The following ARMH3 variants were observed in gnomAD, a reference collection of about 807,000 sequenced individuals.
ARMH3 encodes armadillo like helical domain containing 3.
ARMH3 carries 60 observed loss-of-function variants against 99.1 expected under a neutral mutation model. That is an observed-to-expected ratio of 0.61 (90% confidence interval 0.49 to 0.75). The LOEUF is 0.75. Among genes scored for constraint, ARMH3 ranks in the 30% least tolerant of loss-of-function variants. The probability of loss-of-function intolerance (pLI) is 0.00; values close to 1 mark genes in which losing one functional copy is unlikely to be tolerated. For missense variants in ARMH3, 679 were observed against 843.1 expected (o/e 0.81, Z 2.41); for synonymous variants, 285 against 292.8 (o/e 0.97, Z 0.27).
intron 24 of ARMH3, among the ~76,000 whole-genome samples, chr10:101,862,764 G>T (rs931199123): frequency 2.0e-5 from 3 of 151,924 alleles, no homozygotes; most frequent in Non-Finnish European, 4.4e-5. Flanking sequence ...AGAACAATGA[G>T]TGGATGGGAA....
intron 23 of ARMH3, among the ~76,000 whole-genome samples, chr10:101,934,795 T>C (rs532073812): frequency 6.6e-6 from 1 of 152,184 alleles, no homozygotes; most frequent in Non-Finnish European, 1.5e-5. Flanking sequence ...TAGTTTACTA[T>C]CTTTCTCTCT....
intron 24 of ARMH3, among the ~76,000 whole-genome samples, chr10:101,881,456 A>C (rs2067416258): frequency 6.6e-6 from 1 of 152,174 alleles, no homozygotes. Context: ...AAGATGAAAA[A>C]GTTCTAGAGA....
intron 8 of ARMH3, among the ~76,000 whole-genome samples, chr10:102,015,413 G>A (rs1484146226): frequency 6.8e-5 from 10 of 147,806 alleles, no homozygotes; most frequent in South Asian, 2.1e-4. Flanking sequence ...TTTTTGAGAC[G>A]GAATTTTGCT....
intron 19 of ARMH3, among the ~76,000 whole-genome samples, chr10:101,978,968 AAAATAAAAAT>A (rs1209427653): frequency 6.6e-6 from 1 of 151,616 alleles, no homozygotes; most frequent in Middle Eastern, 3.4e-3. Flanking sequence ...AAATTAATAT[AAAATAAAAAT>A]AAATAAAAAT....
At chr10:102,013,688 A>G (rs1318410593) in intron 9 of ARMH3, among the ~76,000 whole-genome samples, 3 of 152,234 alleles carry the variant, frequency 2.0e-5, no homozygotes, top group Admixed American at 6.5e-5. Flanking sequence ...ATTTATTGAC[A>G]TCGTAGGATA....
chr10:102,005,358 A>C (rs1001841488), intron 14 of ARMH3, among the ~76,000 whole-genome samples: 1 of 149,332 alleles, frequency 6.7e-6, no homozygotes, highest in African/African-American at 2.5e-5. Flanking sequence ...ACTCTAGCCT[A>C]AATGACAGCA....
intron 24 of ARMH3, among the ~76,000 whole-genome samples, chr10:101,888,064 T>A (rs947042274): frequency 1.3e-5 from 2 of 151,388 alleles, no homozygotes; most frequent in Non-Finnish European, 2.9e-5. Flanking sequence ...GTCTCCTTTT[T>A]TTTTTTTTTA....
At chr10:102,051,156 T>TC (rs2067694014) in intron 1 of ARMH3, among the ~76,000 whole-genome samples, 3 of 118,352 alleles carry the variant, frequency 2.5e-5, no homozygotes, top group African/African-American at 9.9e-5. Flanking sequence ...AGACTCTGTC[T>TC]CAAAAAAAAA....
intron 23 of ARMH3, among the ~76,000 whole-genome samples, chr10:101,899,037 G>C (rs199756822): frequency 1.3e-3 from 199 of 152,296 alleles, no homozygotes; most frequent in South Asian, 3.3e-3. Context: ...AAACAGCAAG[G>C]CTTTAGAGAA....
intron 23 of ARMH3, among the ~76,000 whole-genome samples, chr10:101,893,128 T>G (rs1016442807): frequency 1.3e-5 from 2 of 152,066 alleles, no homozygotes; most frequent in African/African-American, 2.4e-5. Context: ...TGAAGCAAGT[T>G]TAGAGAACTG....
At chr10:101,864,696 G>C (rs1050617194) in intron 24 of ARMH3, among the ~76,000 whole-genome samples, 1 of 152,124 alleles carries the variant, frequency 6.6e-6, no homozygotes, top group Admixed American at 6.6e-5. Flanking sequence ...TGAACAATGA[G>C]AACACTTGGA....
intron 23 of ARMH3, among the ~76,000 whole-genome samples, chr10:101,919,243 T>G (rs1265312834): frequency 6.6e-6 from 1 of 152,082 alleles, no homozygotes; most frequent in Non-Finnish European, 1.5e-5. Flanking sequence ...TCCCTTCCTT[T>G]CTTTTTGTCT....
intron 1 of ARMH3, among the ~76,000 whole-genome samples, chr10:102,050,599 G>A (rs994215077): frequency 2.0e-5 from 3 of 151,938 alleles, no homozygotes; most frequent in East Asian, 1.9e-4. Context: ...GGCTCAAGTC[G>A]GTAATCCCAA....
intron 4 of ARMH3, among the ~76,000 whole-genome samples, chr10:102,031,990 G>A (rs1425075600): frequency 3.9e-5 from 6 of 152,016 alleles, no homozygotes; most frequent in Admixed American, 1.3e-4. Flanking sequence ...CTCCCGCCTT[G>A]GCCTCCCAAA....
At chr10:101,929,476 C>T (rs1489632324) in intron 23 of ARMH3, among the ~76,000 whole-genome samples, 1 of 152,136 alleles carries the variant, frequency 6.6e-6, no homozygotes, top group African/African-American at 2.4e-5. Flanking sequence ...AATTAGAGTC[C>T]TGTTTCTAGT....
intron 17 of ARMH3, among the ~76,000 whole-genome samples, chr10:101,992,390 A>AAAG (rs1846839059): frequency 6.6e-6 from 1 of 152,194 alleles, no homozygotes; most frequent in Non-Finnish European, 1.5e-5. Flanking sequence ...CTTTGACGAT[A>AAAG]AATAATAATA....
At chr10:101,990,990 T>C (rs1447647324) in intron 18 of ARMH3, among the ~76,000 whole-genome samples, 2 of 152,232 alleles carry the variant, frequency 1.3e-5, no homozygotes. Flanking sequence ...ATGGATCACA[T>C]TTGTGTAACC....
At chr10:101,890,282 T>A (rs2067657366) in intron 23 of ARMH3, among the ~76,000 whole-genome samples, 6 of 151,916 alleles carry the variant, frequency 3.9e-5, no homozygotes, top group Admixed American at 3.9e-4. Flanking sequence ...GTCACTCTGT[T>A]ACCAAGTCTG....
chr10:101,867,000 CATTT>C (rs1418707535), intron 24 of ARMH3, among the ~76,000 whole-genome samples: 3 of 152,092 alleles, frequency 2.0e-5, no homozygotes, highest in Non-Finnish European at 4.4e-5. Context: ...CTGCAAAAGA[CATTT>C]ATTAGTAAGG....
Sources: allele counts gnomAD v4.1 joint callset (sites outside exome capture counted in the v4.1 genomes callset), GRCh38; gene constraint gnomAD v4.1.1; transcripts MANE v1.5; gene names NCBI Gene and HGNC (gene_info 2026-07-23, HGNC 2026-07-21).